Variants in VWA5B1 observed in about 807,000 individuals in gnomAD.
VWA5B1 encodes the protein von Willebrand factor A domain-containing protein 5B1.
A neutral mutation model predicts 118.2 loss-of-function variants in VWA5B1; 115 were observed. The observed-to-expected ratio is 0.97, with a 90% CI of 0.84 to 1.14. The LOEUF (loss-of-function observed/expected upper bound fraction) is 1.14, where lower values mean the gene tolerates loss of function less well. Among genes scored for constraint, VWA5B1 ranks in the 50% most tolerant of loss-of-function variants. VWA5B1 has a pLI of 0.00. For missense variants in VWA5B1, 1,596 were observed against 1,603.8 expected, an observed-to-expected ratio of 1.00 and a Z score of 0.08; for synonymous variants, 682 against 658.4, an observed-to-expected ratio of 1.04 and a Z score of -0.55.
intron 11 of VWA5B1, among the ~76,000 whole-genome samples, chr1:20,332,348 C>T (rs1388494853): frequency 1.3e-5 from 2 of 151,822 alleles, no homozygotes; most frequent in East Asian, 1.9e-4. Context: ...GGCATGATGG[C>T]GGGTGCCTGT....
At chr1:20,310,100 G>C (rs1296272212) in intron 1 of VWA5B1, among the ~76,000 whole-genome samples, 3 of 152,066 alleles carry the variant, frequency 2.0e-5, no homozygotes, top group African/African-American at 7.2e-5. Context: ...CACTGCAGTG[G>C]GCAGCCTCAC....
intron 4 of VWA5B1, 50 bp downstream of exon 4, chr1:20,314,642 A>C (rs1187857109): frequency 6.5e-7 from 1 of 1,536,626 alleles, no homozygotes; most frequent in Admixed American, 2.0e-5. Context: ...GGCAGCAGAG[A>C]GTGCGTCAGG....
intron 13 of VWA5B1, among the ~76,000 whole-genome samples, chr1:20,337,169 C>T (rs1226385377): frequency 1.3e-5 from 2 of 151,998 alleles, no homozygotes; most frequent in Non-Finnish European, 2.9e-5. Flanking sequence ...ACTCTGTCAC[C>T]CAGGCTGGAG....
intron 10 of VWA5B1, 95 bp from the exon 11 acceptor site, chr1:20,330,774 G>T: frequency 3.1e-6 from 4 of 1,284,338 alleles, no homozygotes; most frequent in African/African-American, 2.9e-5. Flanking sequence ...CCAGCTCCAA[G>T]ATCCTGCCAG....
chr1:20,310,148 C>T (rs948011774), intron 1 of VWA5B1, among the ~76,000 whole-genome samples: 1 of 152,110 alleles, frequency 6.6e-6, no homozygotes, highest in African/African-American at 2.4e-5. Flanking sequence ...TATTCCAACG[C>T]TCTCATTCTG....
At chr1:20,296,218 A>G (rs552081563) in intron 1 of VWA5B1, among the ~76,000 whole-genome samples, 2 of 152,196 alleles carry the variant, frequency 1.3e-5, no homozygotes, top group South Asian at 2.1e-4. Context: ...TAGACTGTCC[A>G]CTTACAAAAG....
chr1:20,314,361 C>T lies in VWA5B1; in HGVS notation c.332C>T (p.Ser111Phe). 3.9e-6 allele frequency: 6 copies of T among 1,551,988 alleles called. No homozygotes were observed. Among genetic ancestry groups the T allele is most frequent in the Non-Finnish European group, 5.2e-6 (6 of 1,147,058 alleles). The change falls in exon 4 of 22, where the codon TCC becomes TTC. Residue 111 changes from serine to phenylalanine, a missense_variant. Transcript: ENST00000289815. ...LQDGVSIAPH[S>F]CTPGKVTLDE... ...GACGGGGTTTCCATAGCCCCTCATT[C>T]CTGCACACCGGGAAAGGTGACCTTG...
intron 5 of VWA5B1, among the ~76,000 whole-genome samples, chr1:20,317,935 T>G (rs186603512): frequency 1.3e-5 from 2 of 151,718 alleles, no homozygotes; most frequent in Non-Finnish European, 1.5e-5. Flanking sequence ...ATGGTGGCCC[T>G]TGGTTCTCTC....
chr1:20,330,874 A>G lies in VWA5B1; in HGVS notation c.1463A>G (p.Tyr488Cys). The G allele has an allele frequency of 6.4e-7, 1 of 1,551,696 alleles. No homozygotes were observed. ...CTCTTCTCCCTTTCCGCCAGGTGCT[A>G]TAGCTTTGGAATTGGACCCAACGTC... ...VRNHAFSTRCYSFGIGPNVCH... is the reference protein window; with the variant it reads ...VRNHAFSTRCCSFGIGPNVCH... The change falls in exon 11 of 22, where the codon TAT (tyrosine) becomes TGT (cysteine). Residue 488 changes from tyrosine to cysteine, a missense_variant. Coordinates refer to ENST00000289815, the MANE Select transcript of VWA5B1 (RefSeq NM_001039500.3).
Position 20,343,156 on chromosome 1 carries a change from G to C in VWA5B1, c.2389G>C (p.Ala797Pro). The change falls in exon 16 of 22, where the codon GCC (alanine) becomes CCC (proline). Residue 797 changes from alanine (A) to proline (P), a missense_variant. By Grantham distance (27) the Ala-to-Pro change is conservative. Transcript: ENST00000289815. ...CCCCCCAGCCGAGTCCCAGGAGCGA[G>C]CCAGTCCCAGCAGGCCCGCCACCCC... Reference protein sequence around the residue: ...WDPPAESQERASPSRPATPAP... With the variant: ...WDPPAESQERPSPSRPATPAP... The C allele has an allele frequency of 6.5e-7, 1 of 1,548,576 alleles. No individual in the cohort carries two copies. The highest frequency in any genetic ancestry group is 1.4e-5 in the African/African-American group (1 of 73,108).
rs562913304 is a variant in VWA5B1 at position 20,323,585 on chromosome 1, C to T, written c.1143+53C>T. 3.0e-6 allele frequency: 4 copies of T among 1,314,038 alleles called. No individual in the cohort carries two copies. In the South Asian group the frequency reaches 6.4e-5, roughly 21 times the overall value. 81.4% of individuals were successfully genotyped at this position (1,314,038 alleles called of 1,614,324 possible). A position where few individuals can be genotyped will look rare whatever the true frequency, so the allele number is the denominator to read the frequency against. ...GACCCGGGGCTCCAGGGGAAATCAG[C>T]TGTGTGCCCCCAATCCAGCTTCCTC... is the stretch of plus-strand genomic sequence containing the variant. On this transcript the variant is annotated intron_variant, in intron 8 of 21. Coordinates refer to ENST00000289815, the MANE Select transcript of VWA5B1 (RefSeq NM_001039500.3).
chr1:20,336,239 C>T (rs1184385894), intron 12 of VWA5B1, 64 bp from the exon 13 acceptor site: 2 of 1,276,232 alleles, frequency 1.6e-6, no homozygotes, highest in Non-Finnish European at 2.0e-6. Flanking sequence ...CCCCTTGCTC[C>T]CTGCGGAAGT....
At chr1:20,343,479 C>G (rs1400927092) in intron 16 of VWA5B1, 86 bp downstream of exon 16, 2 of 1,442,198 alleles carry the variant, frequency 1.4e-6, no homozygotes, top group East Asian at 2.5e-5. Context: ...CCCCACCCGC[C>G]CCCGGTGATC....
intron 1 of VWA5B1, among the ~76,000 whole-genome samples, chr1:20,291,359 T>TTCTCTCTCTCTCTCTCTCTCTC (rs67596546): frequency 2.9e-5 from 3 of 103,342 alleles, no homozygotes; most frequent in Admixed American, 1.0e-4. Flanking sequence ...CTTTCTTTCT[T>TTCTCTCTCTCTCTCTCTCTCTC]TCTCTCTCTC....
chr1:20,350,071 G>T, intron 18 of VWA5B1, 85 bp from the exon 19 acceptor site: 1 of 1,386,150 alleles, frequency 7.2e-7, no homozygotes, highest in Admixed American at 2.0e-5. Context: ...TGCAGACACC[G>T]TGAATTAGAC....
chr1:20,344,206 TCTCTC>T (rs1360267337), intron 16 of VWA5B1, among the ~76,000 whole-genome samples: 1 of 151,166 alleles, frequency 6.6e-6, no homozygotes, highest in African/African-American at 2.4e-5. Flanking sequence ...CCCGTCCTCT[TCTCTC>T]CTGCCTCATT....
intron 5 of VWA5B1, 93 bp downstream of exon 5, chr1:20,317,768 T>G: frequency 7.1e-6 from 10 of 1,404,594 alleles, no homozygotes; most frequent in Non-Finnish European, 9.5e-6. Flanking sequence ...GAAAGCCAAC[T>G]GGCCCAGATG....
chr1:20,291,387 T>TCTCTCTCTCTCTCTCTCTCTA (rs57894456), intron 1 of VWA5B1, among the ~76,000 whole-genome samples: 45 of 114,236 alleles, frequency 3.9e-4, no homozygotes, highest in African/African-American at 1.8e-3. Context: ...CTCTCTCTCT[T>TCTCTCTCTCTCTCTCTCTCTA]TCTGTCTCCT....
In VWA5B1 at chr1:20,353,773, C is replaced by T. The variant is rs1314394922; in HGVS notation, c.3158C>T (p.Ala1053Val). Residue 1053 changes from alanine (A) to valine (V), a missense_variant, in exon 22 of 22, where the codon GCC becomes GTC. By Grantham distance (64) the Ala-to-Val change is moderately conservative. Coordinates refer to ENST00000289815, the MANE Select transcript of VWA5B1 (RefSeq NM_001039500.3). ...DYIPLVSLQL[A>V]SGAFLLNEAF... ...CACACACAGGTGTCTCTGCAGCTGG[C>T]CTCCGGAGCCTTCCTGCTCAACGAA... is the stretch of plus-strand genomic sequence containing the variant. 6.8e-7 allele frequency: 1 copy of T among 1,460,098 alleles called. No individual in the cohort carries two copies. The highest frequency in any genetic ancestry group is 1.5e-5 in the South Asian group (1 of 68,496). 90.4% of individuals were successfully genotyped at this position (1,460,098 alleles called of 1,614,324 possible).
Sources: allele counts gnomAD v4.1 joint callset (sites outside exome capture counted in the v4.1 genomes callset), GRCh38; gene constraint gnomAD v4.1.1; transcripts MANE v1.5; gene names NCBI Gene and HGNC (gene_info 2026-07-23, HGNC 2026-07-21).